Variants in ATP11B observed in about 807,000 individuals in gnomAD.
ATP11B encodes ATPase phospholipid transporting 11B (putative).
In ATP11B, 81 loss-of-function variants were observed where a neutral mutation model predicts 157.8. The ratio of observed to expected loss-of-function variants is 0.51; its 90% CI spans 0.43 to 0.62. The LOEUF (loss-of-function observed/expected upper bound fraction) is 0.62, where lower values mean the gene tolerates loss of function less well. ATP11B is among the 20% of genes least tolerant of loss of function. ATP11B has a pLI of 0.00. For synonymous variants in ATP11B, 451 were observed against 469.4 expected, an observed-to-expected ratio of 0.96 and a Z score of 0.51; for missense variants, 1,165 against 1,402.2, an observed-to-expected ratio of 0.83 and a Z score of 2.70.
rs1288367590 is a variant in ATP11B, at chr3:182,842,068, T to G, written c.657-7T>G. ...TATATGTTTTTGTAATGTGAATTTTTTGATAGATTCATGGGACGAATGATC... is the reference window on the plus strand; with the variant it reads ...TATATGTTTTTGTAATGTGAATTTTGTGATAGATTCATGGGACGAATGATC... On this transcript the variant is annotated splice_polypyrimidine_tract_variant and splice_region_variant and intron_variant, in intron 7 of 29. Coordinates refer to ENST00000323116, the MANE Select transcript of ATP11B (RefSeq NM_014616.3). 6.3e-7 allele frequency: 1 copy of G among 1,597,000 alleles called. No homozygotes were observed. The highest frequency in any genetic ancestry group is 1.7e-5 in the Admixed American group (1 of 59,380).
intron 1 of ATP11B, among the ~76,000 whole-genome samples, chr3:182,812,615 ATT>A (rs1716740341): frequency 6.6e-6 from 1 of 152,190 alleles, no homozygotes; most frequent in South Asian, 2.1e-4. Context: ...TATAAGGGAT[ATT>A]TACTATCATG....
At chr3:182,865,269 A>G (rs2108541101) in intron 12 of ATP11B, among the ~76,000 whole-genome samples, 187 bp from the exon 13 acceptor site, 1 of 152,290 alleles carries the variant, frequency 6.6e-6, no homozygotes, top group Middle Eastern at 3.4e-3. Flanking sequence ...ATTTTGTGTT[A>G]CCCTGTTTTC....
intron 28 of ATP11B, among the ~76,000 whole-genome samples, chr3:182,900,507 A>G (rs1723879376): frequency 6.6e-6 from 1 of 152,164 alleles, no homozygotes; most frequent in African/African-American, 2.4e-5. Flanking sequence ...CCATGCGTAT[A>G]TATTTATATC....
Position 182,902,953 on chromosome 3 carries a change from T to A in ATP11B, c.3318+4181T>A, listed in dbSNP as rs4859143. 8.8e-4 allele frequency among the ~76,000 whole-genome samples: 134 copies of A among 152,274 alleles called. 1 individual carries two copies. The highest frequency in any genetic ancestry group is 1.8e-3 in the Admixed American group (28 of 15,300). Reference sequence around the variant, plus strand: ...GGAAGTGAGAGTTGCCCATTTTTTTTATCTTGCCTTAATCTGTATTGTAAA... The same window carrying A: ...GGAAGTGAGAGTTGCCCATTTTTTTAATCTTGCCTTAATCTGTATTGTAAA... On this transcript the variant is annotated intron_variant, in intron 28 of 29. Coordinates refer to ENST00000323116, the MANE Select transcript of ATP11B (RefSeq NM_014616.3).
chr3:182,895,964 G>A (rs2108576976), intron 25 of ATP11B, among the ~76,000 whole-genome samples: 1 of 152,306 alleles, frequency 6.6e-6, no homozygotes, highest in Admixed American at 6.5e-5. Context: ...CCCGTGAAAT[G>A]TTGCACTTTG....
chr3:182,845,594 C>CTTCAT, intron 9 of ATP11B, 72 bp downstream of exon 9: 1 of 940,024 alleles, frequency 1.1e-6, no homozygotes, highest in Non-Finnish European at 1.5e-6. Context: ...TTTAAAAGTA[C>CTTCAT]AATGTGGTCT....
intron 11 of ATP11B, 145 bp downstream of exon 11, chr3:182,858,173 C>T (rs1225878424): frequency 4.7e-6 from 3 of 640,450 alleles, no homozygotes; most frequent in Non-Finnish European, 7.8e-6. Context: ...ATTGCAAATG[C>T]AGAGAAGCCA....
intron 12 of ATP11B, among the ~76,000 whole-genome samples, chr3:182,862,245 A>T (rs1286666721): frequency 6.6e-6 from 1 of 151,080 alleles, no homozygotes; most frequent in Non-Finnish European, 1.5e-5. Flanking sequence ...GTGCCATTGC[A>T]CTCCAACCTG....
At chr3:182,902,616 C>T (rs758283117) in intron 28 of ATP11B, 44 of 1,119,434 alleles carry the variant, frequency 3.9e-5, no homozygotes, top group Non-Finnish European at 5.2e-5. Flanking sequence ...TGCTAAAGGT[C>T]AATTAAACAA....
At position 182,921,028 on chromosome 3, in the gene ATP11B, C is replaced by T. The variant is rs375891928; in HGVS notation, c.*2924C>T. 8 of 152,188 alleles carry T rather than the reference C, an allele frequency of 5.3e-5. No homozygotes were observed. The highest frequency in any genetic ancestry group is 1.9e-4 in the East Asian group (1 of 5,196). The allele number at this position is 152,188 out of a possible 1,614,324, so 9.4% of individuals were successfully genotyped here. A position where few individuals can be genotyped will look rare whatever the true frequency, so the allele number is the denominator to read the frequency against. On this transcript the variant is annotated 3_prime_UTR_variant, in exon 30 of 30. Coordinates refer to ENST00000323116, the MANE Select transcript of ATP11B (RefSeq NM_014616.3). ...TACTGGAAAAGATTGTGAGATTGAA[C>T]TTATCTGATCGCTTGAGACTCCTAA...
Position 182,867,442 on chromosome 3 carries a change from A to G in ATP11B, c.1686A>G (p.Glu562=). The G allele has an allele frequency of 1.2e-6, 2 of 1,600,134 alleles. No homozygotes were observed. The highest frequency in any genetic ancestry group is 1.7e-6 in the Non-Finnish European group (2 of 1,167,782). Residue 562 remains glutamate (E), a splice_region_variant and synonymous_variant, in exon 15 of 30, where the codon GAA becomes GAG. Coordinates refer to ENST00000323116, the MANE Select transcript of ATP11B (RefSeq NM_014616.3). ...TMEVKTLGKL[E]RYKLLHILEF... is the part of the protein sequence containing the mutation. ...AGGTTAAAACTCTTGGAAAACTGGA[A>G]CGGTAATTTTTTTTCATATATTGGA...
intron 17 of ATP11B, among the ~76,000 whole-genome samples, chr3:182,870,583 A>T (rs1476800924): frequency 1.3e-5 from 2 of 152,248 alleles, no homozygotes; most frequent in Admixed American, 1.3e-4. Context: ...GAATTAATTC[A>T]TATATTAATA....
At position 182,793,678 on chromosome 3, in the gene ATP11B, C is replaced by T. The variant is rs1329207813; in HGVS notation, c.-82C>T. On this transcript the variant is annotated 5_prime_UTR_variant, in exon 1 of 30. Transcript: ENST00000323116. ...AACTTCGGCCCGAGGGGCTCGCCCG[C>T]TCCCGCCTCTGTCTTGTCGGCCTCC... 2 of 969,434 alleles carry T rather than the reference C, an allele frequency of 2.1e-6. No homozygotes were observed. Among genetic ancestry groups the T allele is most frequent in the East Asian group, 6.9e-5 (2 of 29,046 alleles). The allele number at this position is 969,434 out of a possible 1,614,324, so 60.1% of individuals were successfully genotyped here.
At chr3:182,804,542 A>T (rs1716206175) in intron 1 of ATP11B, among the ~76,000 whole-genome samples, 1 of 152,080 alleles carries the variant, frequency 6.6e-6, no homozygotes, top group South Asian at 2.1e-4. Context: ...AGGAATTTAG[A>T]TTTCTTAACT....
At chr3:182,858,191 T>G (rs1332412156) in intron 11 of ATP11B, among the ~76,000 whole-genome samples, 163 bp downstream of exon 11, 2 of 152,250 alleles carry the variant, frequency 1.3e-5, no homozygotes, top group Non-Finnish European at 2.9e-5. Flanking sequence ...CCAGCGTGTT[T>G]GTACTGATAC....
At chr3:182,887,271 A>G (rs1577078660) in intron 23 of ATP11B, among the ~76,000 whole-genome samples, 1 of 152,188 alleles carries the variant, frequency 6.6e-6, no homozygotes, top group African/African-American at 2.4e-5. Context: ...GAATACATGG[A>G]GGAGAATTAT....
intron 28 of ATP11B, among the ~76,000 whole-genome samples, chr3:182,904,186 C>CCTAACCAAGTCA (rs528957749): frequency 2.4e-4 from 36 of 152,346 alleles, no homozygotes; most frequent in African/African-American, 8.4e-4. Context: ...CCCAGTGGGT[C>CCTAACCAAGTCA]CTAACCAAGT....
intron 4 of ATP11B, chr3:182,833,580 C>A (rs900774297): frequency 3.9e-5 from 6 of 152,100 alleles, no homozygotes; most frequent in African/African-American, 1.4e-4. Context: ...TCTCTCCCTT[C>A]GGCCTCCCAA....
chr3:182,881,059 T>G, intron 21 of ATP11B, 78 bp downstream of exon 21: 1 of 1,123,952 alleles, frequency 8.9e-7, no homozygotes, highest in Non-Finnish European at 1.3e-6. Context: ...AATTTTCTTT[T>G]TGTAGATTAA....
Sources: gnomAD v4.1 joint callset for allele counts (sites outside exome capture counted in the v4.1 genomes callset) on GRCh38, gnomAD v4.1.1 for gene constraint, MANE v1.5 for transcripts, NCBI Gene and HGNC (gene_info 2026-07-23, HGNC 2026-07-21) for gene names.